The following ADAMTS3 variants were observed in gnomAD, a reference collection of about 807,000 sequenced individuals.
ADAMTS3 encodes the protein A disintegrin and metalloproteinase with thrombospondin motifs 3.
ADAMTS3 carries 73 observed loss-of-function variants against 129.0 expected under a neutral mutation model. That is an observed-to-expected ratio of 0.57 (90% CI 0.47 to 0.69). The LOEUF (loss-of-function observed/expected upper bound fraction) is 0.69, where lower values mean the gene tolerates loss of function less well. Ranked by LOEUF, ADAMTS3 falls within the 30% of genes least tolerant of loss-of-function variation. ADAMTS3 has a pLI of 0.00. For missense variants in ADAMTS3, 1,457 were observed against 1,514.5 expected, an observed-to-expected ratio of 0.96 and a Z score of 0.63; for synonymous variants, 477 against 510.8, an observed-to-expected ratio of 0.93 and a Z score of 0.89.
At chr4:72,514,840 T>A (rs965738252) in intron 3 of ADAMTS3, among the ~76,000 whole-genome samples, 3 of 152,168 alleles carry the variant, frequency 2.0e-5, no homozygotes, top group Non-Finnish European at 2.9e-5. Flanking sequence ...TCCTTTTTTT[T>A]AATTATTATT....
intron 21 of ADAMTS3, 26 bp from the exon 22 acceptor site, chr4:72,283,730 T>G (rs754674229): frequency 2.0e-6 from 3 of 1,510,478 alleles, no homozygotes; most frequent in Non-Finnish European, 2.7e-6. Flanking sequence ...GAAAATAAAC[T>G]AACACTAGCA....
At chr4:72,348,904 T>G (rs896164442) in intron 4 of ADAMTS3, among the ~76,000 whole-genome samples, 7 of 151,916 alleles carry the variant, frequency 4.6e-5, no homozygotes, top group Non-Finnish European at 8.8e-5. Context: ...AATGGACTAT[T>G]TCCCAGATCC....
chr4:72,442,003 G>A (rs1477812713), intron 3 of ADAMTS3: 2 of 151,840 alleles, frequency 1.3e-5, no homozygotes, highest in Non-Finnish European at 2.9e-5. Context: ...TATGGGTCAG[G>A]ATTTCAGAGA....
chr4:72,469,225 C>T (rs953790316), intron 3 of ADAMTS3, among the ~76,000 whole-genome samples: 16 of 152,034 alleles, frequency 1.1e-4, no homozygotes, highest in Admixed American at 3.9e-4. Context: ...AACAGTTAAC[C>T]AGTTAACAAT....
chr4:72,322,108 CT>C (rs1719571182), intron 6 of ADAMTS3, among the ~76,000 whole-genome samples: 1 of 152,178 alleles, frequency 6.6e-6, no homozygotes, highest in South Asian at 2.1e-4. Context: ...GGATCACATA[CT>C]TTTCCAAACA....
intron 4 of ADAMTS3, among the ~76,000 whole-genome samples, chr4:72,351,080 C>A (rs1720422887): frequency 1.3e-5 from 2 of 151,882 alleles, no homozygotes; most frequent in African/African-American, 4.8e-5. Flanking sequence ...CTGGGGCAAT[C>A]CTGAGGCTCA....
intron 3 of ADAMTS3, among the ~76,000 whole-genome samples, chr4:72,443,345 C>T (rs968470710): frequency 6.6e-6 from 1 of 151,684 alleles, no homozygotes; most frequent in African/African-American, 2.4e-5. Flanking sequence ...GAGCCTACCA[C>T]CTGTTAAGCA....
intron 3 of ADAMTS3, among the ~76,000 whole-genome samples, chr4:72,428,530 C>A (rs1474759826): frequency 1.3e-5 from 2 of 151,946 alleles, no homozygotes; most frequent in Non-Finnish European, 2.9e-5. Flanking sequence ...TTCAGCAAAC[C>A]AAGAACTGCT....
chr4:72,489,229 A>G (rs1183750878), intron 3 of ADAMTS3, among the ~76,000 whole-genome samples: 2 of 151,984 alleles, frequency 1.3e-5, no homozygotes, highest in Non-Finnish European at 2.9e-5. Flanking sequence ...AATGAATATG[A>G]AAGTGCAGAC....
At chr4:72,321,112 T>C (rs1254634413) in intron 6 of ADAMTS3, among the ~76,000 whole-genome samples, 1 of 152,216 alleles carries the variant, frequency 6.6e-6, no homozygotes, top group Non-Finnish European at 1.5e-5. Flanking sequence ...GGTTTTGTTA[T>C]ATTTGAGACA....
At chr4:72,369,640 G>A (rs1365722375) in intron 4 of ADAMTS3, among the ~76,000 whole-genome samples, 1 of 151,922 alleles carries the variant, frequency 6.6e-6, no homozygotes, top group Admixed American at 6.6e-5. Context: ...GATCCTGGTA[G>A]GCGGAGGTTG....
intron 4 of ADAMTS3, among the ~76,000 whole-genome samples, chr4:72,412,460 T>C (rs1369329515): frequency 6.6e-6 from 1 of 152,010 alleles, no homozygotes; most frequent in African/African-American, 2.4e-5. Flanking sequence ...ATGAGAAGAC[T>C]TGGCTCTCCA....
chr4:72,527,748 T>C (rs572857413), intron 3 of ADAMTS3, among the ~76,000 whole-genome samples: 2 of 152,228 alleles, frequency 1.3e-5, no homozygotes, highest in South Asian at 2.1e-4. Context: ...GACATTCCAT[T>C]ACGAAGAAAC....
Position 72,318,652 on chromosome 4 carries a change from G to T in ADAMTS3, c.1405C>A (p.Pro469Thr), listed in dbSNP as rs765511241. The T allele has an allele frequency of 2.5e-6, 4 of 1,613,708 alleles. No individual in the cohort carries two copies. Among genetic ancestry groups the T allele is most frequent in the South Asian group, 2.2e-5 (2 of 91,074 alleles). Residue 469 changes from proline to threonine, a missense_variant, in exon 10 of 22, where the codon CCA becomes ACA. By Grantham distance (38) the Pro-to-Thr change is conservative (BLOSUM62 -1). Transcript: ENST00000286657. Reference protein sequence around the residue: ...DPFDHDWPKLPELPGINYSMD... With the variant: ...DPFDHDWPKLTELPGINYSMD... Reference sequence around the variant, plus strand: ...GAATAATTGATTCCAGGAAGTTCTGGGAGTTTAGGCCAATCATGATCAAAA... The same window carrying T: ...GAATAATTGATTCCAGGAAGTTCTGTGAGTTTAGGCCAATCATGATCAAAA...
chr4:72,507,010 T>C (rs566354984), intron 3 of ADAMTS3, among the ~76,000 whole-genome samples: 1 of 152,318 alleles, frequency 6.6e-6, no homozygotes, highest in African/African-American at 2.4e-5. Context: ...AAAAGAAGAC[T>C]GTAGTGTACC....
intron 3 of ADAMTS3, among the ~76,000 whole-genome samples, chr4:72,514,776 T>A (rs1275110505): frequency 6.6e-6 from 1 of 152,122 alleles, no homozygotes; most frequent in Non-Finnish European, 1.5e-5. Context: ...GTAATCCAAA[T>A]TAATGATTAC....
intron 3 of ADAMTS3, among the ~76,000 whole-genome samples, chr4:72,488,144 G>C (rs544702224): frequency 1.3e-5 from 2 of 152,040 alleles, no homozygotes; most frequent in Non-Finnish European, 2.9e-5. Context: ...AGTTGCAAAC[G>C]TGGCAATGTA....
chr4:72,392,878 A>G (rs1328833997), intron 4 of ADAMTS3, among the ~76,000 whole-genome samples: 1 of 152,084 alleles, frequency 6.6e-6, no homozygotes, highest in African/African-American at 2.4e-5. Flanking sequence ...TTTGTCTTCA[A>G]AAGAGTATGA....
intron 3 of ADAMTS3, among the ~76,000 whole-genome samples, chr4:72,506,954 A>G (rs1167631770): frequency 6.6e-6 from 1 of 152,206 alleles, no homozygotes. Context: ...GAAGCACACT[A>G]AAAGCCTCTA....
Sources: allele counts gnomAD v4.1 joint callset (sites outside exome capture counted in the v4.1 genomes callset), GRCh38; gene constraint gnomAD v4.1.1; transcripts MANE v1.5; gene names NCBI Gene and HGNC (gene_info 2026-07-23, HGNC 2026-07-21).